EPHA7: variants seen among roughly 807,000 people sequenced by gnomAD.
The protein encoded by EPHA7 is EPH receptor A7, also known as ephrin type-A receptor 7.
Under a neutral mutation model 112.6 loss-of-function variants are expected in EPHA7, and 25 were observed. The ratio of observed to expected loss-of-function variants is 0.22; its 90% CI spans 0.16 to 0.31. The LOEUF (loss-of-function observed/expected upper bound fraction) is 0.31, where lower values mean the gene tolerates loss of function less well. Ranked by LOEUF, EPHA7 falls within the 10% of genes least tolerant of loss-of-function variation. The pLI, the probability that EPHA7 is intolerant of heterozygous loss-of-function variation, is 1.00. For missense variants in EPHA7, 962 were observed against 1,212.6 expected (o/e 0.79, Z 3.07); for synonymous variants, 437 against 406.5 (o/e 1.07, Z -0.90).
chr6:93,273,610 T>A (rs1771336216), intron 5 of EPHA7, among the ~76,000 whole-genome samples: 1 of 151,934 alleles, frequency 6.6e-6, no homozygotes, highest in Admixed American at 6.6e-5. Context: ...CCCAGATTAC[T>A]AACAAAAGCG....
At chr6:93,289,658 G>A (rs1352163335) in intron 5 of EPHA7, among the ~76,000 whole-genome samples, 1 of 152,038 alleles carries the variant, frequency 6.6e-6, no homozygotes, top group African/African-American at 2.4e-5. Flanking sequence ...AAGAAAGTAT[G>A]TAGAATAATT....
intron 5 of EPHA7, among the ~76,000 whole-genome samples, chr6:93,302,415 C>T (rs1414139873): frequency 6.6e-6 from 1 of 152,092 alleles, no homozygotes; most frequent in Non-Finnish European, 1.5e-5. Flanking sequence ...CGTCCCCTCC[C>T]ATGGCATAGC....
intron 5 of EPHA7, among the ~76,000 whole-genome samples, chr6:93,309,666 T>G (rs1773431944): frequency 6.6e-6 from 1 of 152,060 alleles, no homozygotes; most frequent in African/African-American, 2.4e-5. Flanking sequence ...TATAAGAAAA[T>G]AAATTCATAC....
At chr6:93,412,144 A>G (rs1263419874) in intron 2 of EPHA7, among the ~76,000 whole-genome samples, 1 of 152,084 alleles carries the variant, frequency 6.6e-6, no homozygotes, top group Admixed American at 6.6e-5. Flanking sequence ...TACAATTATT[A>G]ATAATTTTCC....
chr6:93,363,934 T>G (rs969414360), intron 3 of EPHA7, among the ~76,000 whole-genome samples: 5 of 152,002 alleles, frequency 3.3e-5, no homozygotes, highest in African/African-American at 4.8e-5. Flanking sequence ...CATAAGAGAA[T>G]CCAATCATAA....
At chr6:93,357,089 A>C (rs774823894) in intron 4 of EPHA7, 37 bp from the exon 5 acceptor site, 2 of 1,477,094 alleles carry the variant, frequency 1.4e-6, no homozygotes, top group African/African-American at 2.8e-5. Flanking sequence ...AATAAGCAAA[A>C]ATAGAAAAAA....
At chr6:93,268,015 G>A (rs576686924) in intron 7 of EPHA7, among the ~76,000 whole-genome samples, 1 of 151,672 alleles carries the variant, frequency 6.6e-6, no homozygotes, top group Non-Finnish European at 1.5e-5. Flanking sequence ...AAAATTACTA[G>A]AGCACATTTT....
chr6:93,392,821 T>C (rs550432515), intron 3 of EPHA7, among the ~76,000 whole-genome samples: 27 of 151,972 alleles, frequency 1.8e-4, no homozygotes, highest in African/African-American at 6.0e-4. Context: ...ATGTCTATTT[T>C]GATATATTTT....
intron 5 of EPHA7, among the ~76,000 whole-genome samples, chr6:93,354,253 G>C (rs1276894014): frequency 6.6e-6 from 1 of 151,940 alleles, no homozygotes; most frequent in Non-Finnish European, 1.5e-5. Context: ...CAAAAATATG[G>C]TAATGGAGGG....
At chr6:93,303,604 G>A (rs951762511) in intron 5 of EPHA7, among the ~76,000 whole-genome samples, 1 of 152,018 alleles carries the variant, frequency 6.6e-6, no homozygotes, top group African/African-American at 2.4e-5. Flanking sequence ...AAACAACATG[G>A]AAATAAATTA....
At chr6:93,272,553 C>T in intron 5 of EPHA7, 131 bp from the exon 6 acceptor site, 3 of 1,023,088 alleles carry the variant, frequency 2.9e-6, no homozygotes, top group South Asian at 3.1e-5. Flanking sequence ...TCATAGCTCA[C>T]AATTCAGAAG....
intron 5 of EPHA7, among the ~76,000 whole-genome samples, chr6:93,313,209 C>T (rs75964056): frequency 0.02 from 3,099 of 152,132 alleles, 112 homozygotes; most frequent in African/African-American, 0.07. Context: ...AGAATAAAAC[C>T]AGGTATGTCT....
chr6:93,257,749 T>C (rs1430938863), intron 11 of EPHA7, among the ~76,000 whole-genome samples: 1 of 152,094 alleles, frequency 6.6e-6, no homozygotes, highest in Non-Finnish European at 1.5e-5. Flanking sequence ...CACTGTGTTC[T>C]TCTGACTCCT....
chr6:93,375,157 C>T (rs1776990897), intron 3 of EPHA7, among the ~76,000 whole-genome samples: 1 of 152,034 alleles, frequency 6.6e-6, no homozygotes, highest in Admixed American at 6.6e-5. Context: ...TGTTTTCCTT[C>T]TGTTATTGAT....
intron 6 of EPHA7, among the ~76,000 whole-genome samples, chr6:93,271,338 T>C (rs2127880509): frequency 6.6e-6 from 1 of 152,040 alleles, no homozygotes; most frequent in East Asian, 1.9e-4. Flanking sequence ...ATTTATTTAA[T>C]CATGTCCATT....
chr6:93,246,108 G>C (rs1020162537), intron 15 of EPHA7, among the ~76,000 whole-genome samples: 3 of 151,492 alleles, frequency 2.0e-5, no homozygotes, highest in African/African-American at 7.3e-5. Context: ...CTGGAGTGCA[G>C]TGGCGTGATC....
chr6:93,357,458 T>C (rs1776006851), intron 4 of EPHA7, among the ~76,000 whole-genome samples: 1 of 152,192 alleles, frequency 6.6e-6, no homozygotes, highest in South Asian at 2.1e-4. Flanking sequence ...ATTTATTCAT[T>C]TTAATGTACT....
chr6:93,352,883 G>C (rs1471281152), intron 5 of EPHA7, among the ~76,000 whole-genome samples: 1 of 152,002 alleles, frequency 6.6e-6, no homozygotes, highest in Non-Finnish European at 1.5e-5. Context: ...GGAGCTAAAT[G>C]ATGAGAACAC....
chr6:93,418,225 T>C (rs548848697), intron 1 of EPHA7, among the ~76,000 whole-genome samples: 4 of 152,226 alleles, frequency 2.6e-5, no homozygotes, highest in African/African-American at 4.8e-5. Flanking sequence ...GAGACTTCCA[T>C]TGACAGGGTT....
Sources: gnomAD v4.1 joint callset for allele counts (sites outside exome capture counted in the v4.1 genomes callset) on GRCh38, gnomAD v4.1.1 for gene constraint, MANE v1.5 for transcripts, NCBI Gene and HGNC (gene_info 2026-07-23, HGNC 2026-07-21) for gene names.